PHACTR3: variants seen among roughly 807,000 people sequenced by gnomAD.
The protein encoded by PHACTR3 is phosphatase and actin regulator 3.
A neutral mutation model predicts 66.8 loss-of-function variants in PHACTR3; 16 were observed. The ratio of observed to expected loss-of-function variants is 0.24; its 90% confidence interval spans 0.16 to 0.36. The LOEUF (loss-of-function observed/expected upper bound fraction) is 0.36. Ranked by LOEUF, PHACTR3 falls within the 10% of genes least tolerant of loss-of-function variation. PHACTR3 has a pLI of 1.00. For missense variants in PHACTR3, 647 were observed against 719.9 expected (o/e 0.90, Z 1.16); for synonymous variants, 323 against 292.1 (o/e 1.11, Z -1.08).
chr20:59,636,586 C>T (rs1301647780), intron 1 of PHACTR3, among the ~76,000 whole-genome samples: 8 of 152,262 alleles, frequency 5.3e-5, no homozygotes, highest in East Asian at 1.9e-4. Flanking sequence ...TGCTTACTGG[C>T]TGTGAGGCTC....
intron 1 of PHACTR3, among the ~76,000 whole-genome samples, chr20:59,593,287 G>A (rs1319853521): frequency 1.3e-5 from 2 of 152,176 alleles, no homozygotes; most frequent in African/African-American, 4.8e-5. Context: ...GTACTACTTA[G>A]CATCTGTAGG....
At chr20:59,840,315 G>C in intron 9 of PHACTR3, 54 bp from the exon 10 acceptor site, 1 of 1,587,940 alleles carries the variant, frequency 6.3e-7, no homozygotes, top group South Asian at 1.2e-5. Context: ...AGAGAAGAAC[G>C]TTTCAACCTG....
At chr20:59,778,561 C>T (rs1478603967) in intron 7 of PHACTR3, among the ~76,000 whole-genome samples, 1 of 152,250 alleles carries the variant, frequency 6.6e-6, no homozygotes, top group East Asian at 1.9e-4. Flanking sequence ...ACGGCAGCGT[C>T]CCTGACGCCA....
chr20:59,655,385 G>A (rs2035584624), intron 1 of PHACTR3, among the ~76,000 whole-genome samples: 1 of 151,916 alleles, frequency 6.6e-6, no homozygotes, highest in African/African-American at 2.4e-5. Context: ...ATCACAATTG[G>A]TAGTCTTTGG....
intron 3 of PHACTR3, 49 bp downstream of exon 3, chr20:59,747,884 A>C (rs921148647): frequency 6.3e-7 from 1 of 1,582,026 alleles, no homozygotes; most frequent in African/African-American, 1.3e-5. Flanking sequence ...CTGGGAATGC[A>C]GAATGGAAAG....
chr20:59,635,097 CTCTCTCTT>C (rs1333963730), intron 1 of PHACTR3, among the ~76,000 whole-genome samples: 7 of 122,742 alleles, frequency 5.7e-5, no homozygotes, highest in Middle Eastern at 7.9e-3. Flanking sequence ...TTCTTTCTTT[CTCTCTCTT>C]TCTTTCTTTC....
chr20:59,778,871 G>A (rs896628690), intron 7 of PHACTR3, among the ~76,000 whole-genome samples: 5 of 152,146 alleles, frequency 3.3e-5, no homozygotes, highest in Non-Finnish European at 7.3e-5. Flanking sequence ...AAGTGAACAC[G>A]GATTTTGAGC....
At chr20:59,634,019 G>C (rs185348469) in intron 1 of PHACTR3, among the ~76,000 whole-genome samples, 47 of 152,186 alleles carry the variant, frequency 3.1e-4, no homozygotes, top group Middle Eastern at 6.8e-3. Flanking sequence ...ATTTTTACAC[G>C]ATTCCTCTGC....
chr20:59,610,705 C>T (rs570273641), intron 1 of PHACTR3, among the ~76,000 whole-genome samples: 71 of 152,340 alleles, frequency 4.7e-4, no homozygotes, highest in African/African-American at 7.7e-4. Context: ...CTTTGTTGGA[C>T]GGTGCTGCTT....
upstream of PHACTR3, among the ~76,000 whole-genome samples, chr20:59,602,279 C>T (rs1157399671): frequency 6.6e-5 from 10 of 151,906 alleles, no homozygotes; most frequent in Non-Finnish European, 1.0e-4. Flanking sequence ...CTTTAACATG[C>T]ATGTCGGCCC....
chr20:59,772,326 T>G (rs1169125826), intron 5 of PHACTR3, among the ~76,000 whole-genome samples: 1 of 152,140 alleles, frequency 6.6e-6, no homozygotes, highest in Non-Finnish European at 1.5e-5. Flanking sequence ...TGTACACAAG[T>G]GTTTATTGCC....
intron 6 of PHACTR3, 49 bp from the exon 7 acceptor site, chr20:59,774,194 T>G: frequency 6.6e-7 from 1 of 1,523,678 alleles, no homozygotes; most frequent in Non-Finnish European, 8.8e-7. Flanking sequence ...CGTGCTGGGT[T>G]TCTGGGTGAA....
chr20:59,829,779 A>G lies in PHACTR3; in HGVS notation c.1329-6726A>G, dbSNP rs961112524. On this transcript the variant is annotated intron_variant, in intron 8 of 12. Coordinates refer to ENST00000371015, the MANE Select transcript of PHACTR3 (RefSeq NM_080672.5). The surrounding 1 kb of genome is among the most constrained non-coding windows in gnomAD (Gnocchi z 4.2). ...TAGGAAGGCATTCTGCCTTGTATGG[A>G]AGGAATTGCTTCTCAATTTCTGCTC... Among the ~76,000 whole-genome samples, 11 of 152,200 alleles carry G rather than the reference A, an allele frequency of 7.2e-5. No homozygotes were observed. Among genetic ancestry groups the G allele is most frequent in the Non-Finnish European group, 1.5e-4 (10 of 68,034 alleles).
At chr20:59,805,376 G>C (rs914235193) in intron 7 of PHACTR3, among the ~76,000 whole-genome samples, 3 of 152,182 alleles carry the variant, frequency 2.0e-5, no homozygotes, top group Non-Finnish European at 2.9e-5. Context: ...ATGGGCGGGT[G>C]GGGGAAAGGC....
intron 1 of PHACTR3, among the ~76,000 whole-genome samples, chr20:59,583,563 C>T (rs771665753): frequency 1.8e-4 from 27 of 152,248 alleles, no homozygotes; most frequent in African/African-American, 3.9e-4. Context: ...CCCGCGTGCC[C>T]GCCTACGCAA....
Position 59,703,226 on chromosome 20 carries a change from C to T in PHACTR3, c.119-39881C>T, listed in dbSNP as rs886997727. ...TTTTTTCGGTATGGTGAATTATCTA[C>T]AGTTAGGGATGGTTTAAAGGTATTT... On this transcript the variant is annotated intron_variant, in intron 1 of 12. Transcript: ENST00000371015. Among the ~76,000 whole-genome samples, 97 of 152,022 alleles carry T rather than the reference C, an allele frequency of 6.4e-4. 1 individual carries two copies. Among genetic ancestry groups the T allele is most frequent in the African/African-American group, 1.9e-3 (80 of 41,372 alleles).
chr20:59,767,034 T>C (rs2040202161), intron 4 of PHACTR3, 152 bp from the exon 5 acceptor site: 1 of 676,860 alleles, frequency 1.5e-6, no homozygotes, highest in Non-Finnish European at 2.6e-6. Flanking sequence ...CTATTGAGAG[T>C]TGAACTTGCA....
chr20:59,816,368 T>C (rs2041888098), intron 8 of PHACTR3, among the ~76,000 whole-genome samples: 1 of 152,144 alleles, frequency 6.6e-6, no homozygotes, highest in Non-Finnish European at 1.5e-5. Flanking sequence ...GGACCCCTGT[T>C]CTAGAGCAGT....
rs1555881205 is a variant in PHACTR3, at chr20:59,635,221, C to CTTCT, written c.118+30104_118+30107dup. ...CTTTCTTTCTTTCCTTCCTTCCTTCCTTCTTTCTTTCTTTCTTTTTTTTTT... is the reference window on the plus strand; with the variant it reads ...CTTTCTTTCTTTCCTTCCTTCCTTCCTTCTTTCTTTCTTTCTTTCTTTTTTTTTT... On this transcript the variant is annotated intron_variant, in intron 1 of 12. Transcript: ENST00000371015. Among the ~76,000 whole-genome samples the CTTCT allele has an allele frequency of 7.4e-5, 5 of 67,348 alleles. 1 individual carries two copies. The highest frequency in any genetic ancestry group is 1.6e-4 in the Non-Finnish European group (5 of 31,036). 44.2% of individuals were successfully genotyped at this position (67,348 alleles called of 152,430 possible).
Sources: gnomAD v4.1 joint callset for allele counts (sites outside exome capture counted in the v4.1 genomes callset) on GRCh38, gnomAD v4.1.1 for gene constraint, Gnocchi (gnomAD v3.1) non-coding constraint, MANE v1.5 for transcripts, NCBI Gene and HGNC (gene_info 2026-07-23, HGNC 2026-07-21) for gene names.